Variants in RAD51B observed in about 807,000 individuals in gnomAD.
RAD51B encodes the protein RAD51 paralog B, also known as DNA repair protein RAD51 homolog 2.
In RAD51B, 38 loss-of-function variants were observed where a neutral mutation model predicts 42.2. The observed-to-expected ratio is 0.90, with a 90% confidence interval of 0.70 to 1.18. The LOEUF (loss-of-function observed/expected upper bound fraction) is 1.18. Among genes scored for constraint, RAD51B ranks in the 50% most tolerant of loss-of-function variants. RAD51B has a pLI of 0.00. For missense variants in RAD51B, 373 were observed against 400.7 expected (o/e 0.93, Z 0.59); for synonymous variants, 154 against 145.2 (o/e 1.06, Z -0.43).
chr14:68,348,297 T>A (rs967515597), intron 8 of RAD51B, among the ~76,000 whole-genome samples: 5 of 152,204 alleles, frequency 3.3e-5, no homozygotes, highest in African/African-American at 1.2e-4. Flanking sequence ...GAACAGTTTG[T>A]AATGACTAAA....
chr14:68,675,217 G>C (rs1893279373), intron 11 of RAD51B, among the ~76,000 whole-genome samples: 1 of 152,192 alleles, frequency 6.6e-6, no homozygotes, highest in Non-Finnish European at 1.5e-5. Context: ...TAGGGTGTCA[G>C]TAACAAACAC....
At chr14:68,264,069 CAT>C (rs1816272285) in intron 7 of RAD51B, among the ~76,000 whole-genome samples, 1 of 152,202 alleles carries the variant, frequency 6.6e-6, no homozygotes, top group South Asian at 2.1e-4. Context: ...GCTCTGTAAA[CAT>C]ACCCTCTAAT....
intron 7 of RAD51B, among the ~76,000 whole-genome samples, chr14:68,039,729 C>A (rs1032449441): frequency 2.0e-5 from 3 of 152,190 alleles, no homozygotes. Context: ...TTTTATAGTT[C>A]TCTTTTGAAA....
At chr14:68,489,121 CTT>C (rs35218008) in intron 10 of RAD51B, among the ~76,000 whole-genome samples, 3 of 146,278 alleles carry the variant, frequency 2.1e-5, no homozygotes, top group African/African-American at 5.0e-5. Flanking sequence ...GCCTGGCTAA[CTT>C]TTTTTTTTTT....
intron 7 of RAD51B, among the ~76,000 whole-genome samples, chr14:68,270,418 A>C (rs888395902): frequency 6.6e-6 from 1 of 152,106 alleles, no homozygotes; most frequent in Non-Finnish European, 1.5e-5. Context: ...GGATGAAGAG[A>C]TTATTTCTGT....
chr14:68,246,687 T>C (rs1458231278), intron 7 of RAD51B, among the ~76,000 whole-genome samples: 1 of 152,244 alleles, frequency 6.6e-6, no homozygotes, highest in Non-Finnish European at 1.5e-5. Context: ...TGTTTTTTGC[T>C]ATACTCCTGA....
At chr14:68,294,129 G>A (rs2081568451) in intron 8 of RAD51B, among the ~76,000 whole-genome samples, 1 of 152,096 alleles carries the variant, frequency 6.6e-6, no homozygotes, top group Non-Finnish European at 1.5e-5. Flanking sequence ...TTGCCTTCCT[G>A]GTTTATCTTA....
At chr14:68,271,534 A>T (rs2081104164) in intron 7 of RAD51B, among the ~76,000 whole-genome samples, 1 of 152,226 alleles carries the variant, frequency 6.6e-6, no homozygotes, top group South Asian at 2.1e-4. Flanking sequence ...TAGGCAATAC[A>T]GCATGGTAGG....
intron 7 of RAD51B, among the ~76,000 whole-genome samples, chr14:67,918,711 G>A (rs1286750361): frequency 6.6e-6 from 1 of 152,222 alleles, no homozygotes; most frequent in East Asian, 1.9e-4. Flanking sequence ...GGGATTAGTG[G>A]AGTGTCAGAC....
chr14:68,238,590 C>CTTTT (rs2080317309), intron 7 of RAD51B, among the ~76,000 whole-genome samples: 1 of 152,202 alleles, frequency 6.6e-6, no homozygotes, highest in Non-Finnish European at 1.5e-5. Flanking sequence ...CAGGCATGAG[C>CTTTT]CACTGTGCCC....
intron 8 of RAD51B, among the ~76,000 whole-genome samples, chr14:68,389,183 C>A (rs1486037379): frequency 6.6e-6 from 1 of 152,048 alleles, no homozygotes. Context: ...GCTCCATGAA[C>A]TTTCTCACTG....
At chr14:68,074,955 C>T (rs1320652541) in intron 7 of RAD51B, among the ~76,000 whole-genome samples, 1 of 152,224 alleles carries the variant, frequency 6.6e-6, no homozygotes. Context: ...GTCAGCTCCT[C>T]TCACACTTGA....
intron 8 of RAD51B, chr14:68,339,020 G>A (rs2082517079): frequency 3.0e-6 from 2 of 657,308 alleles, no homozygotes; most frequent in East Asian, 6.1e-5. Flanking sequence ...GGGCAGGCAG[G>A]CAGAAGACAG....
chr14:68,549,370 G>C (rs903014344), intron 10 of RAD51B, among the ~76,000 whole-genome samples: 1 of 143,080 alleles, frequency 7.0e-6, no homozygotes, highest in Admixed American at 7.1e-5. Context: ...CCACAAGAAT[G>C]TTAGCTCTTA....
chr14:68,500,123 G>T (rs1884816119), intron 10 of RAD51B, among the ~76,000 whole-genome samples: 1 of 152,180 alleles, frequency 6.6e-6, no homozygotes, highest in Non-Finnish European at 1.5e-5. Context: ...TCATGGCAGA[G>T]ATCGGAGCTC....
chr14:68,306,597 C>T (rs377489335), intron 8 of RAD51B: 6 of 513,686 alleles, frequency 1.2e-5, no homozygotes, highest in Non-Finnish European at 2.3e-5. Context: ...GCATTGGAAA[C>T]CACAGTGAGC....
At chr14:68,602,245 C>T (rs1454871047) in intron 10 of RAD51B, among the ~76,000 whole-genome samples, 1 of 151,980 alleles carries the variant, frequency 6.6e-6, no homozygotes, top group African/African-American at 2.4e-5. Flanking sequence ...AGTTTCTACT[C>T]TCCCTCCCAG....
chr14:68,092,421 T>A (rs2077116273), intron 7 of RAD51B, among the ~76,000 whole-genome samples: 1 of 152,298 alleles, frequency 6.6e-6, no homozygotes, highest in Non-Finnish European at 1.5e-5. Flanking sequence ...TCACATGCCT[T>A]GTAAGTTCGA....
chr14:68,201,652 G>C (rs1009862258), intron 7 of RAD51B, among the ~76,000 whole-genome samples: 7 of 152,170 alleles, frequency 4.6e-5, no homozygotes, highest in African/African-American at 1.7e-4. Flanking sequence ...CTTGCCACCT[G>C]TCAATGGGAG....
Sources: gnomAD v4.1 joint callset for allele counts (sites outside exome capture counted in the v4.1 genomes callset) on GRCh38, gnomAD v4.1.1 for gene constraint, MANE v1.5 for transcripts, NCBI Gene and HGNC (gene_info 2026-07-23, HGNC 2026-07-21) for gene names.